CHRND: variants seen among roughly 807,000 people sequenced by gnomAD.
CHRND encodes cholinergic receptor nicotinic delta subunit.
A neutral mutation model predicts 57.8 loss-of-function variants in CHRND; 40 were observed. The ratio of observed to expected loss-of-function variants is 0.69; its 90% CI spans 0.54 to 0.90. CHRND has a LOEUF of 0.90. Ranked by LOEUF, CHRND falls within the 40% of genes least tolerant of loss-of-function variation. The pLI, the probability that CHRND is intolerant of heterozygous loss-of-function variation, is 0.00. For synonymous variants in CHRND, 237 were observed against 270.6 expected, an observed-to-expected ratio of 0.88 and a Z score of 1.22; for missense variants, 634 against 673.9, an observed-to-expected ratio of 0.94 and a Z score of 0.66.
chr2:232,527,523 T>A, intron 3 of CHRND, 78 bp downstream of exon 3: 1 of 1,065,096 alleles, frequency 9.4e-7, no homozygotes, highest in Non-Finnish European at 1.5e-6. Context: ...GGGGGGTGGA[T>A]CACGAGGTCA....
Position 232,533,981 on chromosome 2 carries a change from G to A in CHRND, c.1098G>A (p.Glu366=), listed in dbSNP as rs773082507. ...TCCTGCACATGTCCCGCCCAGCAGA[G>A]GATGGACCCAGCCCTGGGGCCCTGG... ...PELLHMSRPA[E]DGPSPGALVR... The change falls in exon 10 of 12, where the codon GAG becomes GAA. Residue 366 remains glutamate, a synonymous_variant. Transcript: ENST00000258385. 1 of 1,613,812 alleles carries A rather than the reference G, an allele frequency of 6.2e-7. No homozygotes were observed. The highest frequency in any genetic ancestry group is 8.5e-7 in the Non-Finnish European group (1 of 1,180,036).
chr2:232,526,825 C>A, intron 2 of CHRND, 151 bp downstream of exon 2: 1 of 788,166 alleles, frequency 1.3e-6, no homozygotes, highest in Non-Finnish European at 2.1e-6. Flanking sequence ...CCCTGAGAGG[C>A]TGCTGTCCTG....
chr2:232,528,552 C>T lies in CHRND; in HGVS notation c.405C>T (p.His135=). 1 of 1,614,180 alleles carries T rather than the reference C, an allele frequency of 6.2e-7. No homozygotes were observed. The highest frequency in any genetic ancestry group is 8.5e-7 in the Non-Finnish European group (1 of 1,180,034). Residue 135 remains histidine, a synonymous_variant, in exon 5 of 12, where the codon CAC becomes CAT. Coordinates refer to ENST00000258385, the MANE Select transcript of CHRND (RefSeq NM_000751.3). Reference sequence around the variant, plus strand: ...ACTCCTGCAACGTGCTTGTCTACCACTACGGCTTCGTGTACTGGCTGCCAC... The same window carrying T: ...ACTCCTGCAACGTGCTTGTCTACCATTACGGCTTCGTGTACTGGCTGCCAC... ...ISYSCNVLVY[H]YGFVYWLPPA...
Position 232,536,415 on chromosome 2 carries a change from T to A in CHRND, c.*1103T>A. ...GATCTCTCACTTTGGGGAAGCCAGC[T>A]GGCATGTTAAGGAGCCCTATGGAGA... On this transcript the variant is annotated 3_prime_UTR_variant, in exon 12 of 12. Coordinates refer to ENST00000258385, the MANE Select transcript of CHRND (RefSeq NM_000751.3). The A allele has an allele frequency of 2.2e-6, 1 of 454,150 alleles. No homozygotes were observed. 28.1% of individuals were successfully genotyped at this position (454,150 alleles called of 1,614,324 possible).
At chr2:232,533,837 A>C in intron 9 of CHRND, 94 bp from the exon 10 acceptor site, 3 of 1,296,852 alleles carry the variant, frequency 2.3e-6, no homozygotes, top group Non-Finnish European at 3.3e-6. Flanking sequence ...AGATCGCGCC[A>C]CTGCACTCCA....
intron 9 of CHRND, among the ~76,000 whole-genome samples, chr2:232,532,770 T>C (rs1574635836): frequency 6.6e-6 from 1 of 152,088 alleles, no homozygotes. Flanking sequence ...GGGTACTGAG[T>C]GGGGGCAGGT....
At position 232,528,881 on chromosome 2, in the gene CHRND, A is replaced by G. The variant is rs1691581371; in HGVS notation, c.529A>G (p.Lys177Glu). ...CCCCAGTTCCCTCAAGTATACGGCC[A>G]AAGAGATCACCCTGAGCCTGAAACA... ...LKFSSLKYTAKEITLSLKQDA... is the reference protein window; with the variant it reads ...LKFSSLKYTAEEITLSLKQDA... The change falls in exon 6 of 12, where the codon AAA (lysine) becomes GAA (glutamate). Residue 177 changes from lysine to glutamate, a missense_variant. Lys to Glu is a moderately conservative substitution (Grantham distance 56). Coordinates refer to ENST00000258385, the MANE Select transcript of CHRND (RefSeq NM_000751.3). 1 of 1,614,024 alleles carries G rather than the reference A, an allele frequency of 6.2e-7. No individual in the cohort carries two copies. The highest frequency in any genetic ancestry group is 8.5e-7 in the Non-Finnish European group (1 of 1,179,968).
intron 3 of CHRND, 139 bp from the exon 4 acceptor site, chr2:232,528,123 C>T (rs1036959314): frequency 1.3e-6 from 1 of 758,910 alleles, no homozygotes. Context: ...AGACCTGAAT[C>T]CGCACTCTGT....
At chr2:232,529,553 C>G (rs1473334916) in intron 6 of CHRND, among the ~76,000 whole-genome samples, 2 of 152,220 alleles carry the variant, frequency 1.3e-5, no homozygotes, top group Non-Finnish European at 2.9e-5. Context: ...CAATTAATGT[C>G]CAGGAGGCTT....
At chr2:232,528,809 C>T (rs1691578579) in intron 5 of CHRND, 53 bp from the exon 6 acceptor site, 1 of 1,580,726 alleles carries the variant, frequency 6.3e-7, no homozygotes, top group African/African-American at 1.3e-5. Context: ...CTTCCCCACT[C>T]TGTGGCCCCA....
intron 9 of CHRND, among the ~76,000 whole-genome samples, chr2:232,533,572 C>T (rs1482517341): frequency 6.6e-6 from 1 of 152,110 alleles, no homozygotes; most frequent in Non-Finnish European, 1.5e-5. Flanking sequence ...GTGTAAAGGT[C>T]ACCCCATGCT....
chr2:232,536,060 G>A lies in CHRND; in HGVS notation c.*748G>A, dbSNP rs1403744592. The stretch of plus-strand genomic sequence containing the variant: ...TACATATTCTAAAAAATCATTCGTT[G>A]TTTCTCTGAAATTTGTCCCCTATTT... On this transcript the variant is annotated 3_prime_UTR_variant, in exon 12 of 12. Coordinates refer to ENST00000258385, the MANE Select transcript of CHRND (RefSeq NM_000751.3). 7 of 453,962 alleles carry A rather than the reference G, an allele frequency of 1.5e-5. No homozygotes were observed. The highest frequency in any genetic ancestry group is 3.1e-5 in the Non-Finnish European group (7 of 226,786). 28.1% of individuals were successfully genotyped at this position (453,962 alleles called of 1,614,324 possible). A position where few individuals can be genotyped will look rare whatever the true frequency, so the allele number is the denominator to read the frequency against.
Position 232,530,133 on chromosome 2 carries a change from G to T in CHRND, c.814G>T (p.Ala272Ser). The T allele has an allele frequency of 6.2e-7, 1 of 1,613,944 alleles. No individual in the cohort carries two copies. The highest frequency in any genetic ancestry group is 8.5e-7 in the Non-Finnish European group (1 of 1,179,972). ...GGTCAACCTGGTCTTCTACCTACCGGCTGACAGTGAGCCTCCAGGCCCCGT... is the reference window on the plus strand; with the variant it reads ...GGTCAACCTGGTCTTCTACCTACCGTCTGACAGTGAGCCTCCAGGCCCCGT... ...FMVNLVFYLPADSGEKTSVAI... is the reference protein window; with the variant it reads ...FMVNLVFYLPSDSGEKTSVAI... The change falls in exon 7 of 12, where the codon GCT (alanine) becomes TCT (serine). Residue 272 changes from alanine (A) to serine (S), a missense_variant. By Grantham distance (99) the Ala-to-Ser change is moderately conservative (BLOSUM62 1). Coordinates refer to ENST00000258385, the MANE Select transcript of CHRND (RefSeq NM_000751.3).
chr2:232,535,041 C>G, intron 11 of CHRND, 89 bp from the exon 12 acceptor site: 1 of 1,514,546 alleles, frequency 6.6e-7, no homozygotes, highest in East Asian at 2.3e-5. Flanking sequence ...CTGAGCCGCC[C>G]TCTGCCTCCA....
intron 9 of CHRND, 84 bp downstream of exon 9, chr2:232,531,740 G>A: frequency 1.7e-6 from 2 of 1,197,366 alleles, no homozygotes; most frequent in East Asian, 2.3e-5. Flanking sequence ...CTTGAGCCCA[G>A]GAGTTGGAGA....
chr2:232,528,305 G>C lies in CHRND; in HGVS notation c.287G>C (p.Gly96Ala), dbSNP rs758160494. ...NRLKWNAEEF[G>A]NISVLRLPPD... ...CTGAAGTGGAATGCTGAAGAATTTG[G>C]AAACATCAGTGTCCTGCGCCTCCCC... Residue 96 changes from glycine (G) to alanine (A), a missense_variant, in exon 4 of 12, where the codon GGA becomes GCA. Gly to Ala is a moderately conservative substitution (Grantham distance 60, BLOSUM62 0). Coordinates refer to ENST00000258385, the MANE Select transcript of CHRND (RefSeq NM_000751.3). 1.2e-6 allele frequency: 2 copies of C among 1,614,140 alleles called. No individual in the cohort carries two copies. Among genetic ancestry groups the C allele is most frequent in the Non-Finnish European group, 1.7e-6 (2 of 1,180,024 alleles).
chr2:232,527,979 T>C (rs147677635), intron 3 of CHRND, among the ~76,000 whole-genome samples: 1 of 152,224 alleles, frequency 6.6e-6, no homozygotes, highest in South Asian at 2.1e-4. Context: ...TGCCACTTTA[T>C]CTTGATGTTT....
chr2:232,530,982 C>A (rs561877181), intron 7 of CHRND, among the ~76,000 whole-genome samples: 1 of 152,122 alleles, frequency 6.6e-6, no homozygotes, highest in African/African-American at 2.4e-5. Context: ...GAGTAACGCA[C>A]GCAGGTCTGT....
intron 7 of CHRND, among the ~76,000 whole-genome samples, chr2:232,530,426 C>A (rs1691646333): frequency 6.6e-6 from 1 of 152,228 alleles, no homozygotes; most frequent in South Asian, 2.1e-4. Context: ...GAGACCAAGT[C>A]CCTCACGGTC....
Sources: gnomAD v4.1 joint callset for allele counts (sites outside exome capture counted in the v4.1 genomes callset) on GRCh38, gnomAD v4.1.1 for gene constraint, MANE v1.5 for transcripts, NCBI Gene and HGNC (gene_info 2026-07-23, HGNC 2026-07-21) for gene names.